DSCAM: variants seen among roughly 807,000 people sequenced by gnomAD.
DSCAM encodes the protein DS cell adhesion molecule.
Under a neutral mutation model 217.7 loss-of-function variants are expected in DSCAM, and 47 were observed. The ratio of observed to expected loss-of-function variants is 0.22; its 90% CI spans 0.17 to 0.28. The LOEUF (loss-of-function observed/expected upper bound fraction) is 0.28, where lower values mean the gene tolerates loss of function less well. Among genes scored for constraint, DSCAM ranks in the 10% least tolerant of loss-of-function variants. The pLI is 1.00. For missense variants in DSCAM, 2,080 were observed against 2,618.3 expected, an observed-to-expected ratio of 0.79 and a Z score of 4.49; for synonymous variants, 1,056 against 1,015.3, an observed-to-expected ratio of 1.04 and a Z score of -0.76.
At chr21:40,273,887 T>C (rs1302582363) in intron 11 of DSCAM, among the ~76,000 whole-genome samples, 1 of 152,204 alleles carries the variant, frequency 6.6e-6, no homozygotes, top group East Asian at 1.9e-4. Context: ...GCTCCCCCTT[T>C]GTGACCCAAT....
intron 3 of DSCAM, among the ~76,000 whole-genome samples, chr21:40,679,093 T>C (rs2090371980): frequency 6.6e-6 from 1 of 152,222 alleles, no homozygotes; most frequent in South Asian, 2.1e-4. Flanking sequence ...TGCCCCTGAT[T>C]GGCCAACACA....
intron 3 of DSCAM, among the ~76,000 whole-genome samples, chr21:40,485,992 A>C (rs1298970927): frequency 6.6e-6 from 1 of 152,216 alleles, no homozygotes; most frequent in African/African-American, 2.4e-5. Context: ...TGTGTCTAAA[A>C]GTTTTTAAGG....
intron 3 of DSCAM, among the ~76,000 whole-genome samples, chr21:40,657,191 G>T (rs1284490151): frequency 6.6e-6 from 1 of 152,180 alleles, no homozygotes; most frequent in Non-Finnish European, 1.5e-5. Context: ...CCCTAATGGG[G>T]TAGGTAAGGT....
intron 11 of DSCAM, among the ~76,000 whole-genome samples, chr21:40,247,184 A>G (rs148047019): frequency 6.6e-6 from 1 of 152,308 alleles, no homozygotes; most frequent in African/African-American, 2.4e-5. Flanking sequence ...ATACAATTCA[A>G]GTTGAGATTT....
intron 24 of DSCAM, 66 bp downstream of exon 24, chr21:40,083,842 G>A (rs2089495186): frequency 7.6e-7 from 1 of 1,309,056 alleles, no homozygotes; most frequent in Admixed American, 2.1e-5. Flanking sequence ...TGCTGAAGAT[G>A]TGTCACTTAT....
At chr21:40,764,090 C>T (rs1026705411) in intron 1 of DSCAM, among the ~76,000 whole-genome samples, 2 of 152,104 alleles carry the variant, frequency 1.3e-5, no homozygotes, top group Non-Finnish European at 2.9e-5. Flanking sequence ...CCAAAATTGA[C>T]AAATGGAATC....
chr21:40,198,519 G>T (rs1396769561), intron 11 of DSCAM, among the ~76,000 whole-genome samples: 1 of 152,200 alleles, frequency 6.6e-6, no homozygotes, highest in Non-Finnish European at 1.5e-5. Flanking sequence ...GTGACCTGGA[G>T]ACCCACCCTG....
At chr21:40,095,453 C>A (rs2089663899) in intron 20 of DSCAM, among the ~76,000 whole-genome samples, 1 of 152,150 alleles carries the variant, frequency 6.6e-6, no homozygotes, top group Non-Finnish European at 1.5e-5. Context: ...TTATAAGAAA[C>A]CACACATTTG....
At chr21:40,302,920 A>G (rs1396436268) in intron 9 of DSCAM, among the ~76,000 whole-genome samples, 2 of 152,182 alleles carry the variant, frequency 1.3e-5, no homozygotes, top group Admixed American at 6.5e-5. Flanking sequence ...GGTTATAATA[A>G]GACAGGCATT....
intron 3 of DSCAM, among the ~76,000 whole-genome samples, chr21:40,378,295 A>C (rs934138592): frequency 6.6e-6 from 1 of 152,238 alleles, no homozygotes; most frequent in Non-Finnish European, 1.5e-5. Flanking sequence ...ACAGGAGATT[A>C]GAACAAAAAA....
chr21:40,649,300 C>T (rs2089986508), intron 3 of DSCAM, among the ~76,000 whole-genome samples: 2 of 152,182 alleles, frequency 1.3e-5, no homozygotes, highest in South Asian at 4.1e-4. Flanking sequence ...CTCTGGCCCA[C>T]TCCAGAGCAG....
At chr21:40,218,142 T>C (rs376111420) in intron 11 of DSCAM, among the ~76,000 whole-genome samples, 1 of 152,180 alleles carries the variant, frequency 6.6e-6, no homozygotes, top group Non-Finnish European at 1.5e-5. Flanking sequence ...GTTTTACGTC[T>C]TTAATCTTTC....
intron 1 of DSCAM, among the ~76,000 whole-genome samples, chr21:40,844,739 A>G (rs2092130584): frequency 6.6e-6 from 1 of 151,328 alleles, no homozygotes; most frequent in African/African-American, 2.5e-5. Flanking sequence ...CACATATAGC[A>G]TCTCTGTATC....
At chr21:40,554,104 T>C (rs1019176110) in intron 3 of DSCAM, among the ~76,000 whole-genome samples, 1 of 152,068 alleles carries the variant, frequency 6.6e-6, no homozygotes, top group African/African-American at 2.4e-5. Context: ...ACTCCTGGGC[T>C]TAAACAATCC....
chr21:40,139,043 T>TTGTG (rs758697867), intron 18 of DSCAM, among the ~76,000 whole-genome samples: 1 of 141,526 alleles, frequency 7.1e-6, no homozygotes, highest in African/African-American at 2.7e-5. Context: ...GTAGTGTGTG[T>TTGTG]TGTGTGTGTG....
chr21:40,648,104 G>A (rs1321868443), intron 3 of DSCAM, among the ~76,000 whole-genome samples: 1 of 148,962 alleles, frequency 6.7e-6, no homozygotes, highest in Non-Finnish European at 1.5e-5. Context: ...ATTTGGAAAA[G>A]TAAAATAAAA....
intron 3 of DSCAM, among the ~76,000 whole-genome samples, chr21:40,573,357 C>A (rs9983033): frequency 0.5 from 75,357 of 151,868 alleles, 18,917 homozygotes; most frequent in Admixed American, 0.57. Flanking sequence ...AATAAATAAA[C>A]TTGAAATAAA....
chr21:40,736,282 G>T (rs998431081), intron 1 of DSCAM, among the ~76,000 whole-genome samples: 1 of 152,126 alleles, frequency 6.6e-6, no homozygotes, highest in Non-Finnish European at 1.5e-5. Flanking sequence ...CATTTAGGGG[G>T]CTTTCTGGTG....
At chr21:40,253,680 A>AT (rs1305124968) in intron 11 of DSCAM, among the ~76,000 whole-genome samples, 1 of 152,216 alleles carries the variant, frequency 6.6e-6, no homozygotes, top group Non-Finnish European at 1.5e-5. Context: ...TAAAACTTAG[A>AT]TAAAAACTCT....
Sources: allele counts gnomAD v4.1 joint callset (sites outside exome capture counted in the v4.1 genomes callset), GRCh38; gene constraint gnomAD v4.1.1; transcripts MANE v1.5; gene names NCBI Gene and HGNC (gene_info 2026-07-23, HGNC 2026-07-21).